MAP4K4: variants seen among roughly 807,000 people sequenced by gnomAD.
MAP4K4 encodes the protein mitogen-activated protein kinase kinase kinase kinase 4, also known as HPK/GCK-like kinase HGK.
Under a neutral mutation model 189.6 loss-of-function variants are expected in MAP4K4, and 38 were observed. The ratio of observed to expected loss-of-function variants is 0.20; its 90% confidence interval spans 0.15 to 0.26. The LOEUF is 0.26. MAP4K4 is among the 10% of genes least tolerant of loss of function. MAP4K4 has a pLI of 1.00. For synonymous variants in MAP4K4, 610 were observed against 624.3 expected, an observed-to-expected ratio of 0.98 and a Z score of 0.34; for missense variants, 1,054 against 1,726.9, an observed-to-expected ratio of 0.61 and a Z score of 6.91.
chr2:101,758,368 A>G (rs1483615873), intron 2 of MAP4K4, among the ~76,000 whole-genome samples: 1 of 152,220 alleles, frequency 6.6e-6, no homozygotes, highest in Non-Finnish European at 1.5e-5. Flanking sequence ...TTGGCAGTAT[A>G]GTATAGTTCA....
At chr2:101,824,821 C>G (rs551492694) in intron 4 of MAP4K4, among the ~76,000 whole-genome samples, 1 of 152,134 alleles carries the variant, frequency 6.6e-6, no homozygotes, top group African/African-American at 2.4e-5. Context: ...ATTGTTCAAA[C>G]TTTTAGATAC....
chr2:101,766,003 A>G (rs895942735), intron 2 of MAP4K4, among the ~76,000 whole-genome samples: 1 of 152,188 alleles, frequency 6.6e-6, no homozygotes, highest in South Asian at 2.1e-4. Flanking sequence ...AAAAGGTTAC[A>G]TACCCTATTC....
chr2:101,876,518 G>A (rs1220186008), intron 26 of MAP4K4, among the ~76,000 whole-genome samples: 1 of 152,208 alleles, frequency 6.6e-6, no homozygotes, highest in African/African-American at 2.4e-5. Flanking sequence ...GATGGAAGCC[G>A]AATCATAAGC....
chr2:101,749,605 G>A (rs2067525967), intron 2 of MAP4K4, among the ~76,000 whole-genome samples: 3 of 144,960 alleles, frequency 2.1e-5, no homozygotes, highest in African/African-American at 7.8e-5. Context: ...CATGGGCAAG[G>A]ACTTCATGTC....
chr2:101,706,110 G>A (rs566146783), intron 2 of MAP4K4, among the ~76,000 whole-genome samples: 6 of 152,168 alleles, frequency 3.9e-5, no homozygotes, highest in East Asian at 1.9e-4. Flanking sequence ...ATACTAAAGC[G>A]CTCATACCAA....
At chr2:101,711,783 T>C (rs558424964) in intron 2 of MAP4K4, among the ~76,000 whole-genome samples, 1 of 152,310 alleles carries the variant, frequency 6.6e-6, no homozygotes, top group South Asian at 2.1e-4. Context: ...ACTCCAAGAT[T>C]GTATTAGACG....
At chr2:101,886,719 T>C (rs997420446) in intron 29 of MAP4K4, among the ~76,000 whole-genome samples, 1 of 152,148 alleles carries the variant, frequency 6.6e-6, no homozygotes, top group Non-Finnish European at 1.5e-5. Flanking sequence ...ACTGAGTATG[T>C]TGGGTCTTCT....
chr2:101,874,210 A>G, exon 26 of MAP4K4: 1 of 1,612,952 alleles, frequency 6.2e-7, no homozygotes, highest in African/African-American at 1.3e-5. Flanking sequence ...TCGTAAATAC[A>G]AGAAGAGGTT....
At chr2:101,772,475 AT>A (rs2081954998) in intron 2 of MAP4K4, among the ~76,000 whole-genome samples, 1 of 152,180 alleles carries the variant, frequency 6.6e-6, no homozygotes, top group African/African-American at 2.4e-5. Flanking sequence ...TTCCATGTGA[AT>A]TTTGTTCTTT....
intron 18 of MAP4K4, among the ~76,000 whole-genome samples, chr2:101,865,791 C>T (rs1000921844): frequency 1.1e-4 from 16 of 152,236 alleles, no homozygotes; most frequent in Non-Finnish European, 2.1e-4. Context: ...GAACCTTGGT[C>T]TGACTTGAGG....
chr2:101,728,570 G>A (rs1299560126), intron 2 of MAP4K4, among the ~76,000 whole-genome samples: 1 of 152,042 alleles, frequency 6.6e-6, no homozygotes, highest in Non-Finnish European at 1.5e-5. Context: ...GGGGTGCAGT[G>A]GTGCAGTGGT....
chr2:101,762,073 A>T lies in MAP4K4; in HGVS notation c.124-28647A>T, dbSNP rs13019379. Among the ~76,000 whole-genome samples, 37 of 152,028 alleles carry T rather than the reference A, an allele frequency of 2.4e-4. No individual in the cohort carries two copies. The East Asian group carries it at 5.6e-3, about 23-fold the overall frequency. On this transcript the variant is annotated intron_variant, in intron 2 of 32. Transcript: ENST00000324219. Reference sequence around the variant, plus strand: ...CCCTGTCTGAAAAAATAGAACCGGGAGTCTATTCCAAGTAGGGTTGTTTTC... The same window carrying T: ...CCCTGTCTGAAAAAATAGAACCGGGTGTCTATTCCAAGTAGGGTTGTTTTC...
chr2:101,725,952 C>T (rs1038077734), intron 2 of MAP4K4, among the ~76,000 whole-genome samples: 1 of 151,740 alleles, frequency 6.6e-6, no homozygotes, highest in Non-Finnish European at 1.5e-5. Context: ...TTTATTTTGG[C>T]AGAAATCTGG....
At chr2:101,812,262 T>C (rs1228342766) in intron 3 of MAP4K4, among the ~76,000 whole-genome samples, 1 of 152,198 alleles carries the variant, frequency 6.6e-6, no homozygotes, top group African/African-American at 2.4e-5. Context: ...ATGCAGACTT[T>C]GCATGTGTTT....
At chr2:101,739,523 C>A (rs991078614) in intron 2 of MAP4K4, among the ~76,000 whole-genome samples, 8 of 152,124 alleles carry the variant, frequency 5.3e-5, no homozygotes, top group African/African-American at 1.7e-4. Flanking sequence ...AATTTAAGTT[C>A]TCTGGAGGTT....
rs374605723 is a variant in MAP4K4, at chr2:101,743,657, C to G, written c.123+45119C>G. 1.4e-4 allele frequency among the ~76,000 whole-genome samples: 21 copies of G among 152,058 alleles called. 2 individuals are homozygous for G. The highest frequency in any genetic ancestry group is 1.4e-3 in the Admixed American group (21 of 15,258). ...AAACCACTCCCAGGAGCAGATAACA[C>G]TTTCTTTTTTTCTTTTTTGAGATGG... On this transcript the variant is annotated intron_variant, in intron 2 of 32. Transcript: ENST00000324219.
At position 101,859,754 on chromosome 2, in the gene MAP4K4, C is replaced by T. The variant is rs755526358; in HGVS notation, c.1594C>T (p.His532Tyr). ...TCTACAGCATGACCATAGGAGGCCG[C>T]ACCCGCAGCACTCGCAGCAGCCGCC... Residue 532 changes from histidine to tyrosine, a missense_variant, in exon 15 of 33, where the codon CAC (histidine) becomes TAC (tyrosine). His to Tyr is a moderately conservative substitution (Grantham distance 83, BLOSUM62 2). This residue lies in a region of MAP4K4 where 646 missense variants were observed against 796.2 expected (regional missense o/e 0.81). Coordinates refer to ENST00000324219, the Ensembl canonical transcript of MAP4K4. 3.0e-5 allele frequency: 49 copies of T among 1,611,034 alleles called. No homozygotes were observed. The highest frequency in any genetic ancestry group is 3.6e-5 in the Non-Finnish European group (43 of 1,178,922).
chr2:101,830,044 C>G (rs1038698823), intron 6 of MAP4K4, among the ~76,000 whole-genome samples: 4 of 151,944 alleles, frequency 2.6e-5, no homozygotes, highest in African/African-American at 9.7e-5. Flanking sequence ...GCCTTTGGGC[C>G]TTTGCATGAC....
exon 33 of MAP4K4, chr2:101,891,211 T>C: frequency 6.2e-7 from 1 of 1,613,912 alleles, no homozygotes; most frequent in Non-Finnish European, 8.5e-7. Context: ...TCAGGTTTAT[T>C]TCATGACCTT....
Sources: gnomAD v4.1 joint callset for allele counts (sites outside exome capture counted in the v4.1 genomes callset) on GRCh38, gnomAD v4.1.1 for gene constraint, gnomAD v4.1.1 regional missense constraint, MANE v1.5 for transcripts, NCBI Gene and HGNC (gene_info 2026-07-23, HGNC 2026-07-21) for gene names.